Variants in NCKAP5 observed in about 807,000 individuals in gnomAD.
NCKAP5 encodes the protein NCK associated protein 5, also known as nck-associated protein 5.
In NCKAP5, 92 loss-of-function variants were observed where a neutral mutation model predicts 167.0. The ratio of observed to expected loss-of-function variants is 0.55; its 90% CI spans 0.47 to 0.66. The LOEUF is 0.66. Among genes scored for constraint, NCKAP5 ranks in the 30% least tolerant of loss-of-function variants. The pLI is 0.00. For synonymous variants in NCKAP5, 891 were observed against 877.4 expected (o/e 1.02, Z -0.27); for missense variants, 2,378 against 2,315.0 (o/e 1.03, Z -0.56).
At chr2:132,774,898 C>T (rs1383499487) in intron 15 of NCKAP5, among the ~76,000 whole-genome samples, 1 of 152,172 alleles carries the variant, frequency 6.6e-6, no homozygotes, top group Non-Finnish European at 1.5e-5. Context: ...AAAATGGTGG[C>T]ACTGGGATTT....
chr2:132,964,120 G>C (rs2076595145), intron 7 of NCKAP5, among the ~76,000 whole-genome samples: 1 of 152,196 alleles, frequency 6.6e-6, no homozygotes, highest in Non-Finnish European at 1.5e-5. Flanking sequence ...AAGTGACTAA[G>C]CCAGCAAAGC....
At chr2:132,844,324 G>C (rs1026077) in intron 11 of NCKAP5, among the ~76,000 whole-genome samples, 41,409 of 151,770 alleles carry the variant, frequency 0.27, 6,069 homozygotes, top group African/African-American at 0.39. Context: ...AATTCTTACT[G>C]TAAAGAATTC....
intron 1 of NCKAP5, among the ~76,000 whole-genome samples, chr2:133,564,530 G>A (rs556486714): frequency 8.5e-5 from 13 of 152,206 alleles, no homozygotes; most frequent in African/African-American, 2.9e-4. Flanking sequence ...AGCAGCGGAA[G>A]GTAAAGAAAT....
At chr2:133,183,547 A>T (rs2084820985) in intron 5 of NCKAP5, among the ~76,000 whole-genome samples, 1 of 146,922 alleles carries the variant, frequency 6.8e-6, no homozygotes, top group Non-Finnish European at 1.5e-5. Context: ...TTTCAGAAAA[A>T]TGGGAATGGA....
Position 133,481,680 on chromosome 2 carries a change from C to A in NCKAP5, c.69+35778G>T, listed in dbSNP as rs111330364. 9.1e-3 allele frequency among the ~76,000 whole-genome samples: 1,379 copies of A among 152,190 alleles called. 25 individuals carry two copies. Among genetic ancestry groups the A allele is most frequent in the African/African-American group, 0.031 (1,286 of 41,498 alleles). On this transcript the variant is annotated intron_variant, in intron 3 of 19. Coordinates refer to ENST00000409261, the MANE Select transcript of NCKAP5 (RefSeq NM_207363.3). Reference sequence around the variant, plus strand: ...GCTCCCACTTATAAGTGAGAACATGCGGTATCTGGTTTTCTGTTCCTGTGT... The same window carrying A: ...GCTCCCACTTATAAGTGAGAACATGAGGTATCTGGTTTTCTGTTCCTGTGT...
At chr2:132,844,775 C>T (rs191780677) in intron 11 of NCKAP5, among the ~76,000 whole-genome samples, 10 of 152,158 alleles carry the variant, frequency 6.6e-5, no homozygotes, top group East Asian at 3.9e-4. Context: ...ACATGAATGA[C>T]GGTTTCTATA....
Position 133,567,657 on chromosome 2 carries a change from C to CTCTGTGTGTGTG in NCKAP5, c.-130+558_-130+559insCACACACACAGA, listed in dbSNP as rs375516676. ...TACACATTCCTGAGGATGAATGAGCCTGTGTGTGTGTGTGTGTGTGTGTGT... is the reference window on the plus strand; with the variant it reads ...TACACATTCCTGAGGATGAATGAGCCTCTGTGTGTGTGTGTGTGTGTGTGTGTGTGTGTGTGT... On this transcript the variant is annotated intron_variant, in intron 1 of 19. Transcript: ENST00000409261. 1.0e-3 allele frequency among the ~76,000 whole-genome samples: 132 copies of CTCTGTGTGTGTG among 130,988 alleles called. 1 individual carries two copies. Among genetic ancestry groups the CTCTGTGTGTGTG allele is most frequent in the African/African-American group, 3.2e-3 (115 of 35,984 alleles). The allele number at this position is 130,988 out of a possible 152,430, so 85.9% of individuals were successfully genotyped here.
intron 4 of NCKAP5, among the ~76,000 whole-genome samples, chr2:133,252,397 C>T (rs113060443): frequency 2.2e-4 from 33 of 152,282 alleles, no homozygotes; most frequent in South Asian, 6.2e-4. Flanking sequence ...ATTTTCACTA[C>T]GGGGCTCTCT....
At chr2:133,597,891 C>T in the NCKAP5 span, among the ~76,000 whole-genome samples, 1 of 151,930 alleles carries the variant, frequency 6.6e-6, no homozygotes, top group South Asian at 2.1e-4. Context: ...TTCCATTCTG[C>T]GATGTTCTCA....
At chr2:133,249,787 G>A (rs570950000) in intron 4 of NCKAP5, among the ~76,000 whole-genome samples, 2 of 152,236 alleles carry the variant, frequency 1.3e-5, no homozygotes, top group East Asian at 1.9e-4. Context: ...AAGCACATAC[G>A]CCCAAGGGAA....
intron 3 of NCKAP5, among the ~76,000 whole-genome samples, chr2:133,304,847 C>T (rs1559367802): frequency 1.3e-5 from 2 of 152,158 alleles, no homozygotes; most frequent in Non-Finnish European, 2.9e-5. Flanking sequence ...AATAAGTGAA[C>T]GGATTCGTTT....
rs138698014 is a variant in NCKAP5 at position 133,376,907 on chromosome 2, T to G, written c.70-73797A>C. 2.3e-4 allele frequency among the ~76,000 whole-genome samples: 35 copies of G among 152,306 alleles called. No individual in the cohort carries two copies. In the East Asian group the frequency reaches 3.3e-3, roughly 14 times the overall value. On this transcript the variant is annotated intron_variant, in intron 3 of 19. Transcript: ENST00000409261. Reference sequence around the variant, plus strand: ...CATTCCTATAGGAAACTTGGATTCCTTTTTAGATGAGTACATATAACCTTA... The same window carrying G: ...CATTCCTATAGGAAACTTGGATTCCGTTTTAGATGAGTACATATAACCTTA...
intron 3 of NCKAP5, among the ~76,000 whole-genome samples, chr2:133,304,223 C>G (rs1324823038): frequency 3.3e-5 from 5 of 152,136 alleles, no homozygotes; most frequent in South Asian, 2.1e-4. Flanking sequence ...GGGAGAAAGA[C>G]AGGAGTTGAT....
At chr2:132,998,076 G>T (rs763288571) in intron 6 of NCKAP5, among the ~76,000 whole-genome samples, 2 of 152,134 alleles carry the variant, frequency 1.3e-5, no homozygotes, top group Admixed American at 1.3e-4. Context: ...ACAGAAGCTG[G>T]ATGTCTTCTT....
chr2:132,751,920 C>A (rs920557335), intron 16 of NCKAP5, among the ~76,000 whole-genome samples: 1 of 152,210 alleles, frequency 6.6e-6, no homozygotes, highest in African/African-American at 2.4e-5. Flanking sequence ...TCTGGACACA[C>A]TGGTTCAAGG....
chr2:133,613,363 T>C, the NCKAP5 span, among the ~76,000 whole-genome samples: 1 of 152,228 alleles, frequency 6.6e-6, no homozygotes, highest in African/African-American at 2.4e-5. Flanking sequence ...ATTTTCATTA[T>C]GAAGACTGTT....
chr2:132,708,847 T>C (rs555430783), intron 19 of NCKAP5, among the ~76,000 whole-genome samples: 1 of 152,314 alleles, frequency 6.6e-6, no homozygotes, highest in East Asian at 1.9e-4. Flanking sequence ...GTAATACCAA[T>C]GTCTTTTTTT....
intron 3 of NCKAP5, among the ~76,000 whole-genome samples, chr2:133,483,627 A>AGGG (rs35250511): frequency 2.1e-5 from 3 of 140,758 alleles, no homozygotes; most frequent in African/African-American, 7.8e-5. Context: ...GCAAAAAAAA[A>AGGG]GGGGGGGGGG....
chr2:133,101,835 G>A (rs1391435568), intron 6 of NCKAP5, among the ~76,000 whole-genome samples: 1 of 152,194 alleles, frequency 6.6e-6, no homozygotes, highest in African/African-American at 2.4e-5. Flanking sequence ...GGGAAAGGCT[G>A]TTAAGAAGTA....
Sources: gnomAD v4.1 joint callset for allele counts (sites outside exome capture counted in the v4.1 genomes callset) on GRCh38, gnomAD v4.1.1 for gene constraint, MANE v1.5 for transcripts, NCBI Gene and HGNC (gene_info 2026-07-23, HGNC 2026-07-21) for gene names.